Variants in MANBA observed in about 807,000 individuals in gnomAD.
The protein encoded by MANBA is mannosidase beta, also known as beta-mannosidase.
In MANBA, 83 loss-of-function variants were observed where a neutral mutation model predicts 111.1. The observed-to-expected ratio is 0.75, with a 90% CI of 0.63 to 0.90. The LOEUF (loss-of-function observed/expected upper bound fraction) is 0.90. MANBA is among the 40% of genes least tolerant of loss of function. The pLI is 0.00. For synonymous variants in MANBA, 370 were observed against 378.7 expected, an observed-to-expected ratio of 0.98 and a Z score of 0.27; for missense variants, 1,036 against 1,069.0, an observed-to-expected ratio of 0.97 and a Z score of 0.43.
At position 102,689,565 on chromosome 4, in the gene MANBA, C is replaced by A; in HGVS notation, c.960+9G>T. 6.9e-7 allele frequency: 1 copy of A among 1,459,270 alleles called. No individual in the cohort carries two copies. The highest frequency in any genetic ancestry group is 9.6e-7 in the Non-Finnish European group (1 of 1,044,910). 90.4% of individuals were successfully genotyped at this position (1,459,270 alleles called of 1,614,324 possible). ...TTATTTCACAAAATATTTTAAATTA[C>A]TTACTTACCTTAGCTGATTTTTCAA... is the stretch of plus-strand genomic sequence containing the variant. On this transcript the variant is annotated intron_variant, in intron 7 of 16. Coordinates refer to ENST00000647097, the MANE Select transcript of MANBA (RefSeq NM_005908.4).
At chr4:102,658,403 C>T (rs1380044593) in intron 11 of MANBA, among the ~76,000 whole-genome samples, 1 of 152,232 alleles carries the variant, frequency 6.6e-6, no homozygotes, top group African/African-American at 2.4e-5. Context: ...ATCACCATCA[C>T]TTGAGAACCA....
intron 5 of MANBA, among the ~76,000 whole-genome samples, chr4:102,706,795 A>G (rs1344972917): frequency 6.6e-6 from 1 of 152,166 alleles, no homozygotes; most frequent in Non-Finnish European, 1.5e-5. Flanking sequence ...TGAAGAATCT[A>G]GTTATTCAAC....
intron 8 of MANBA, chr4:102,672,214 G>A (rs1731528169): frequency 2.5e-6 from 1 of 397,216 alleles, no homozygotes; most frequent in Non-Finnish European, 4.4e-6. Flanking sequence ...TCAGGGTTTA[G>A]TTACTGATGA....
chr4:102,730,842 C>A (rs772844075), intron 1 of MANBA: 4 of 380,014 alleles, frequency 1.1e-5, no homozygotes, highest in Non-Finnish European at 1.5e-5. Flanking sequence ...TTCTTCCTTG[C>A]GCCTAGTTAC....
At chr4:102,665,968 G>A (rs889318606) in intron 10 of MANBA, 1 of 152,156 alleles carries the variant, frequency 6.6e-6, no homozygotes, top group African/African-American at 2.4e-5. Context: ...AAAAAATTAA[G>A]TCTTGTGTTT....
chr4:102,677,637 T>C (rs147993410), intron 7 of MANBA, among the ~76,000 whole-genome samples: 2 of 152,190 alleles, frequency 1.3e-5, no homozygotes, highest in Non-Finnish European at 2.9e-5. Flanking sequence ...ACAATTTATC[T>C]GAAAAGACTA....
At chr4:102,654,803 C>T (rs530385398) in intron 12 of MANBA, among the ~76,000 whole-genome samples, 9 of 152,210 alleles carry the variant, frequency 5.9e-5, no homozygotes, top group Admixed American at 5.9e-4. Flanking sequence ...CGTCTTCCCA[C>T]TCATTTTCTA....
chr4:102,673,261 C>A (rs1731572980), intron 8 of MANBA, among the ~76,000 whole-genome samples: 1 of 152,138 alleles, frequency 6.6e-6, no homozygotes, highest in Admixed American at 6.5e-5. Context: ...AATCCCAACA[C>A]TTTGGGAGGC....
At chr4:102,663,664 T>C (rs1032610795) in intron 11 of MANBA, among the ~76,000 whole-genome samples, 3 of 152,212 alleles carry the variant, frequency 2.0e-5, no homozygotes, top group African/African-American at 4.8e-5. Flanking sequence ...TAATATCACA[T>C]ACTATTTTAA....
At chr4:102,753,538 C>T (rs1723888157) in intron 1 of MANBA, among the ~76,000 whole-genome samples, 1 of 151,954 alleles carries the variant, frequency 6.6e-6, no homozygotes, top group Non-Finnish European at 1.5e-5. Flanking sequence ...TATAGGCAAC[C>T]AATTAACTAT....
intron 10 of MANBA, chr4:102,665,089 T>C: frequency 6.2e-6 from 3 of 487,566 alleles, no homozygotes; most frequent in Non-Finnish European, 7.4e-6. Flanking sequence ...TTCTCTGCTA[T>C]ATAAAAACTG....
chr4:102,734,693 C>A, intron 1 of MANBA: 3 of 950,338 alleles, frequency 3.2e-6, no homozygotes, highest in Non-Finnish European at 3.2e-6. Context: ...ATCCTGTTCC[C>A]CCTCTCCATC....
Position 102,734,660 on chromosome 4 carries a change from G to A in MANBA, c.178-7977C>T. 3.7e-6 allele frequency: 5 copies of A among 1,345,332 alleles called. No individual in the cohort carries two copies. The African/African-American group carries it at 4.3e-5, about 12-fold the overall frequency. The allele number at this position is 1,345,332 out of a possible 1,614,324, so 83.3% of individuals were successfully genotyped here. A position where few individuals can be genotyped will look rare whatever the true frequency, so the allele number is the denominator to read the frequency against. ...CAGACAGGCAGGGAGAGGGCCTTGG[G>A]GACAGCCCTCCTGGGAATCTATATC... On this transcript the variant is annotated intron_variant, in intron 1 of 16. Coordinates refer to ENST00000647097, the MANE Select transcript of MANBA (RefSeq NM_005908.4).
intron 1 of MANBA, among the ~76,000 whole-genome samples, chr4:102,735,831 A>T (rs1259385835): frequency 6.6e-6 from 1 of 152,224 alleles, no homozygotes; most frequent in Admixed American, 6.5e-5. Context: ...AAACACGTAC[A>T]GTAAATACCA....
At chr4:102,664,554 G>A (rs1213585845) in intron 11 of MANBA, 131 bp downstream of exon 11, 1 of 754,026 alleles carries the variant, frequency 1.3e-6, no homozygotes, top group Admixed American at 2.1e-5. Flanking sequence ...GTTTCACCGT[G>A]GTCTCGATCT....
intron 13 of MANBA, among the ~76,000 whole-genome samples, chr4:102,645,868 T>G (rs763503486): frequency 8.5e-5 from 13 of 152,296 alleles, no homozygotes; most frequent in Non-Finnish European, 1.8e-4. Context: ...AATGAGGTCT[T>G]TATTTAATGT....
chr4:102,748,868 G>A lies in MANBA; in HGVS notation c.177+11850C>T, dbSNP rs769020566. Among the ~76,000 whole-genome samples the A allele has an allele frequency of 7.2e-4, 109 of 152,018 alleles. 1 individual carries two copies. Among genetic ancestry groups the A allele is most frequent in the African/African-American group, 2.4e-3 (100 of 41,472 alleles). On this transcript the variant is annotated intron_variant, in intron 1 of 16. Coordinates refer to ENST00000647097, the MANE Select transcript of MANBA (RefSeq NM_005908.4). Reference sequence around the variant, plus strand: ...GCAGAGGTTGCAGTGAGGCGAGATCGTGCCATTGCACTCCAGCCTGGGTGA... The same window carrying A: ...GCAGAGGTTGCAGTGAGGCGAGATCATGCCATTGCACTCCAGCCTGGGTGA...
At position 102,666,436 on chromosome 4, in the gene MANBA, T is replaced by C. The variant is rs1419026498; in HGVS notation, c.1318-1584A>G. The C allele has an allele frequency of 3.9e-5, 6 of 152,316 alleles. No homozygotes were observed. In the South Asian group the frequency reaches 6.2e-4, roughly 16 times the overall value. The allele number at this position is 152,316 out of a possible 1,614,324, so 9.4% of individuals were successfully genotyped here. On this transcript the variant is annotated intron_variant, in intron 10 of 16. Transcript: ENST00000647097. ...GAATGAGTCCTAGGCCTCAGGGAGA[T>C]GACAATCTTGCAGAGGTGACAAATC...
At chr4:102,663,019 G>A (rs1731040181) in intron 11 of MANBA, 1 of 152,500 alleles carries the variant, frequency 6.6e-6, no homozygotes, top group Admixed American at 6.5e-5. Flanking sequence ...TGCACTGTGA[G>A]AACCAATGGA....
Sources: gnomAD v4.1 joint callset for allele counts (sites outside exome capture counted in the v4.1 genomes callset) on GRCh38, gnomAD v4.1.1 for gene constraint, MANE v1.5 for transcripts, NCBI Gene and HGNC (gene_info 2026-07-23, HGNC 2026-07-21) for gene names.